Variants in CACNA1C observed in about 807,000 individuals in gnomAD.
CACNA1C encodes calcium voltage-gated channel subunit alpha1 C.
CACNA1C carries 30 observed loss-of-function variants against 229.0 expected under a neutral mutation model. The observed-to-expected ratio is 0.13, with a 90% CI of 0.10 to 0.18. CACNA1C has a LOEUF of 0.18. Among genes scored for constraint, CACNA1C ranks in the 10% least tolerant of loss-of-function variants. The pLI, the probability that CACNA1C is intolerant of heterozygous loss-of-function variation, is 1.00. For missense variants in CACNA1C, 1,658 were observed against 2,845.0 expected (o/e 0.58, Z 9.49); for synonymous variants, 1,114 against 1,132.5 (o/e 0.98, Z 0.33).
intron 7 of CACNA1C, among the ~76,000 whole-genome samples, chr12:2,502,532 G>C (rs1238367806): frequency 6.6e-6 from 1 of 152,244 alleles, no homozygotes; most frequent in Non-Finnish European, 1.5e-5. Context: ...GCATGGCCAA[G>C]TGGGCACACA....
In CACNA1C at chr12:2,665,551, C is replaced by A; in HGVS notation, c.4399-30C>A. On this transcript the variant is annotated intron_variant, in intron 35 of 46. Transcript: ENST00000399655. The surrounding 1 kb of genome is among the most constrained non-coding windows in gnomAD (Gnocchi z 5.9). ...AGGCAGGTGTGTAGGAAGGTCTTCTCACAGCACCTCATTGTACTGTTCCCC... is the reference window on the plus strand; with the variant it reads ...AGGCAGGTGTGTAGGAAGGTCTTCTAACAGCACCTCATTGTACTGTTCCCC... 6.2e-7 allele frequency: 1 copy of A among 1,611,176 alleles called. No individual in the cohort carries two copies. Among genetic ancestry groups the A allele is most frequent in the Non-Finnish European group, 8.5e-7 (1 of 1,178,218 alleles).
intron 1 of CACNA1C, among the ~76,000 whole-genome samples, chr12:2,111,523 AG>A (rs1219890322): frequency 7.1e-6 from 1 of 140,976 alleles, no homozygotes; most frequent in Non-Finnish European, 1.5e-5. Context: ...AGGGCAATGC[AG>A]GGGGGTGAGT....
intron 3 of CACNA1C, among the ~76,000 whole-genome samples, chr12:2,368,460 C>G (rs919595387): frequency 6.6e-6 from 1 of 152,086 alleles, no homozygotes; most frequent in African/African-American, 2.4e-5. Context: ...GTTTAATAAT[C>G]AGTAGTTTTT....
At chr12:2,658,416 C>A (rs533618837) in intron 34 of CACNA1C, among the ~76,000 whole-genome samples, 1 of 152,302 alleles carries the variant, frequency 6.6e-6, no homozygotes, top group African/African-American at 2.4e-5. Context: ...GAGCTGAAAA[C>A]TTCCTATCAC....
At chr12:2,668,397 C>T (rs1312364064) in intron 37 of CACNA1C, 2 of 152,942 alleles carry the variant, frequency 1.3e-5, no homozygotes, top group Non-Finnish European at 2.9e-5. Context: ...GCATTCACTC[C>T]CTGCCCACTC....
rs1416443242 is a variant in CACNA1C at position 2,479,521 on chromosome 12, A to G, written c.758-6583A>G. ...ATTTGGCTAAAGTTTATTTGGAAAT[A>G]CAGAAGGCATAACTTGCTTTGGTAG... On this transcript the variant is annotated intron_variant, in intron 5 of 46. Transcript: ENST00000399655. This position sits in a 1 kb window ranked among gnomAD's most constrained non-coding sequence, Gnocchi z 4.3. Among the ~76,000 whole-genome samples, 1 of 152,272 alleles carries G rather than the reference A, an allele frequency of 6.6e-6. No homozygotes were observed. The highest frequency in any genetic ancestry group is 1.5e-5 in the Non-Finnish European group (1 of 68,050).
At chr12:2,175,753 C>G (rs2096627129) in intron 3 of CACNA1C, among the ~76,000 whole-genome samples, 1 of 152,128 alleles carries the variant, frequency 6.6e-6, no homozygotes, top group East Asian at 1.9e-4. Context: ...GAAGAACGCT[C>G]TCTCATCAAC....
Position 2,226,135 on chromosome 12 carries a change from A to G in CACNA1C, c.477+105705A>G, listed in dbSNP as rs796510677. The stretch of plus-strand genomic sequence containing the variant: ...TGGATATGGGGACGCGCACACACAC[A>G]CACACACACACACACACACACACAC... On this transcript the variant is annotated intron_variant, in intron 3 of 46. Transcript: ENST00000399655. 8.3e-3 allele frequency among the ~76,000 whole-genome samples: 1,028 copies of G among 123,586 alleles called. 5 individuals are homozygous for G. Among genetic ancestry groups the G allele is most frequent in the African/African-American group, 0.019 (494 of 25,558 alleles). The allele number at this position is 123,586 out of a possible 152,430, so 81.1% of individuals were successfully genotyped here.
Position 2,348,296 on chromosome 12 carries a change from C to T in CACNA1C, c.478-100680C>T, listed in dbSNP as rs1013210627. Among the ~76,000 whole-genome samples, 2 of 152,204 alleles carry T rather than the reference C, an allele frequency of 1.3e-5. No homozygotes were observed. Among genetic ancestry groups the T allele is most frequent in the Non-Finnish European group, 1.5e-5 (1 of 68,032 alleles). ...CCCCCACTGCAGGGCCAGGACAGGC[C>T]GTCCTGAGTGCTGGCCCTGAGGATC... is the stretch of plus-strand genomic sequence containing the variant. On this transcript the variant is annotated intron_variant, in intron 3 of 46. Transcript: ENST00000399655. This position sits in a 1 kb window ranked among gnomAD's most constrained non-coding sequence, Gnocchi z 4.7.
At chr12:2,667,655 G>C in intron 37 of CACNA1C, among the ~76,000 whole-genome samples, 1 of 152,308 alleles carries the variant, frequency 6.6e-6, no homozygotes, top group East Asian at 1.9e-4. Flanking sequence ...GTGGGGAGGG[G>C]TGCAGCCTGG....
chr12:2,045,642 A>G (rs2050913999), intron 1 of CACNA1C, among the ~76,000 whole-genome samples: 1 of 152,180 alleles, frequency 6.6e-6, no homozygotes, highest in Admixed American at 6.5e-5. Context: ...TAAGTGAAGA[A>G]ACTGAGCCTC....
intron 3 of CACNA1C, among the ~76,000 whole-genome samples, chr12:2,351,212 C>G (rs777169057): frequency 3.9e-5 from 6 of 152,206 alleles, no homozygotes; most frequent in Admixed American, 6.5e-5. Context: ...GTACCAGTAG[C>G]AGTCACGCCG....
chr12:2,002,381 G>A (rs1593444749), intron 1 of CACNA1C, among the ~76,000 whole-genome samples: 2 of 152,128 alleles, frequency 1.3e-5, no homozygotes, highest in South Asian at 4.1e-4. Context: ...CTGTTTTTCT[G>A]GCTACCACAG....
intron 1 of CACNA1C, among the ~76,000 whole-genome samples, chr12:1,972,082 G>A (rs1230387904): frequency 6.6e-6 from 1 of 152,208 alleles, no homozygotes; most frequent in Non-Finnish European, 1.5e-5. Flanking sequence ...AAAAGACAGG[G>A]AAATATGTTT....
At chr12:2,090,090 C>G (rs1272537488) in intron 1 of CACNA1C, among the ~76,000 whole-genome samples, 1 of 152,092 alleles carries the variant, frequency 6.6e-6, no homozygotes, top group Non-Finnish European at 1.5e-5. Flanking sequence ...CCCCATTTCT[C>G]CCTGCCTCCA....
At chr12:2,518,716 A>C (rs998997321) in intron 9 of CACNA1C, among the ~76,000 whole-genome samples, 1 of 152,156 alleles carries the variant, frequency 6.6e-6, no homozygotes, top group Non-Finnish European at 1.5e-5. Context: ...CATGTGAAGC[A>C]TCTGGCTCAG....
At chr12:2,434,846 C>T (rs1396046187) in intron 3 of CACNA1C, among the ~76,000 whole-genome samples, 1 of 152,232 alleles carries the variant, frequency 6.6e-6, no homozygotes, top group Non-Finnish European at 1.5e-5. Context: ...ACTGTCATTA[C>T]CTCCTTCCTG....
rs147056970 is a variant in CACNA1C, at chr12:2,118,405, G to A, written c.372-1920G>A. Among the ~76,000 whole-genome samples, 1,385 of 152,316 alleles carry A rather than the reference G, an allele frequency of 9.1e-3. 8 individuals are homozygous for A. The highest frequency in any genetic ancestry group is 0.024 in the Middle Eastern group (7 of 294). ...AAAGGTTTGGGAGGCAAGAGGTGGC[G>A]TGGTAGGAGGGCTAAAAGAACTGCC... is the stretch of plus-strand genomic sequence containing the variant. On this transcript the variant is annotated intron_variant, in intron 2 of 46. Transcript: ENST00000399655.
At position 2,601,745 on chromosome 12, in the gene CACNA1C, G is replaced by A. The variant is rs2072457938; in HGVS notation, c.2854-109G>A. ...TTGTCCTTCCTGTTCCCCATGGATG[G>A]TGCTTGGGACTTGCCCAAGGGATGC... On this transcript the variant is annotated intron_variant, in intron 21 of 46. Coordinates refer to ENST00000399655, the MANE Select transcript of CACNA1C (RefSeq NM_000719.7). The surrounding 1 kb of genome is among the most constrained non-coding windows in gnomAD (Gnocchi z 5.9). 1 of 759,320 alleles carries A rather than the reference G, an allele frequency of 1.3e-6. No individual in the cohort carries two copies. The highest frequency in any genetic ancestry group is 1.4e-5 in the South Asian group (1 of 70,960). 47.0% of individuals were successfully genotyped at this position (759,320 alleles called of 1,614,324 possible). A position where few individuals can be genotyped will look rare whatever the true frequency, so the allele number is the denominator to read the frequency against.
Sources: gnomAD v4.1 joint callset for allele counts (sites outside exome capture counted in the v4.1 genomes callset) on GRCh38, gnomAD v4.1.1 for gene constraint, Gnocchi (gnomAD v3.1) non-coding constraint, MANE v1.5 for transcripts, NCBI Gene and HGNC (gene_info 2026-07-23, HGNC 2026-07-21) for gene names.